THSD7A: variants seen among roughly 807,000 people sequenced by gnomAD.
The protein encoded by THSD7A is thrombospondin type-1 domain-containing protein 7A.
THSD7A carries 96 observed loss-of-function variants against 231.3 expected under a neutral mutation model. The ratio of observed to expected loss-of-function variants is 0.41; its 90% CI spans 0.35 to 0.49. The LOEUF (loss-of-function observed/expected upper bound fraction) is 0.49, where lower values mean the gene tolerates loss of function less well. THSD7A is among the 20% of genes least tolerant of loss of function. The pLI is 0.05. For synonymous variants in THSD7A, 940 were observed against 743.3 expected, an observed-to-expected ratio of 1.26 and a Z score of -4.30; for missense variants, 2,290 against 2,070.2, an observed-to-expected ratio of 1.11 and a Z score of -2.06.
In THSD7A at chr7:11,374,231, A is replaced by C. The variant is rs1782174244; in HGVS notation, c.*1563T>G. 1 of 152,154 alleles carries C rather than the reference A, an allele frequency of 6.6e-6. No homozygotes were observed. Among genetic ancestry groups the C allele is most frequent in the East Asian group, 1.9e-4 (1 of 5,200 alleles). The allele number at this position is 152,154 out of a possible 1,614,324, so 9.4% of individuals were successfully genotyped here. On this transcript the variant is annotated 3_prime_UTR_variant, in exon 28 of 28. Coordinates refer to ENST00000423059, the MANE Select transcript of THSD7A (RefSeq NM_015204.3). ...GTTATGTTCATTCTTTTATTTACTA[A>C]GATTGCATTAGCAGAATGGCAAAGT...
chr7:11,412,878 C>T, intron 17 of THSD7A, 78 bp from the exon 18 acceptor site: 1 of 1,507,052 alleles, frequency 6.6e-7, no homozygotes, highest in Non-Finnish European at 9.0e-7. Flanking sequence ...AGCACTGGAG[C>T]AGGAGTTAGA....
At chr7:11,765,212 G>C (rs1326915768) in intron 1 of THSD7A, among the ~76,000 whole-genome samples, 1 of 152,076 alleles carries the variant, frequency 6.6e-6, no homozygotes, top group East Asian at 1.9e-4. Flanking sequence ...CACTATAAAG[G>C]AGAAAAATAA....
At chr7:11,478,065 A>G (rs1368563578) in intron 7 of THSD7A, among the ~76,000 whole-genome samples, 1 of 152,190 alleles carries the variant, frequency 6.6e-6, no homozygotes, top group African/African-American at 2.4e-5. Context: ...CAGCAATAAA[A>G]AAACCAACTC....
At chr7:11,610,873 A>G (rs1008810894) in intron 2 of THSD7A, among the ~76,000 whole-genome samples, 3 of 152,162 alleles carry the variant, frequency 2.0e-5, no homozygotes, top group Non-Finnish European at 2.9e-5. Context: ...ACTTTTCACT[A>G]TGTTCCAAGA....
intron 13 of THSD7A, among the ~76,000 whole-genome samples, chr7:11,445,054 T>G (rs1784923541): frequency 6.6e-6 from 1 of 151,726 alleles, no homozygotes; most frequent in South Asian, 2.1e-4. Context: ...TATGAGATGG[T>G]TTTTATTAGC....
intron 1 of THSD7A, among the ~76,000 whole-genome samples, chr7:11,774,138 G>A (rs909448523): frequency 1.3e-5 from 2 of 152,110 alleles, no homozygotes; most frequent in Non-Finnish European, 2.9e-5. Flanking sequence ...AATATGCCAA[G>A]ACTTATTATT....
intron 2 of THSD7A, among the ~76,000 whole-genome samples, chr7:11,629,768 C>T (rs1332893215): frequency 6.6e-6 from 1 of 152,132 alleles, no homozygotes; most frequent in Non-Finnish European, 1.5e-5. Context: ...ATCTGTAGGC[C>T]ATGTTGAAAA....
intron 1 of THSD7A, among the ~76,000 whole-genome samples, chr7:11,742,372 G>A (rs959287104): frequency 2.0e-5 from 3 of 151,586 alleles, no homozygotes; most frequent in African/African-American, 7.3e-5. Flanking sequence ...CAAAAAATAC[G>A]CCCTTTGCCT....
intron 23 of THSD7A, among the ~76,000 whole-genome samples, chr7:11,396,804 A>C (rs1783204495): frequency 6.6e-6 from 1 of 152,176 alleles, no homozygotes; most frequent in African/African-American, 2.4e-5. Flanking sequence ...TCCCGATACC[A>C]AAACCTGGCA....
intron 2 of THSD7A, 107 bp from the exon 3 acceptor site, chr7:11,593,609 G>T: frequency 7.2e-7 from 1 of 1,379,546 alleles, no homozygotes; most frequent in Non-Finnish European, 9.8e-7. Context: ...TCTACTTGGA[G>T]GTGTGATTCC....
intron 1 of THSD7A, among the ~76,000 whole-genome samples, chr7:11,723,579 A>G (rs962521093): frequency 2.6e-5 from 4 of 151,866 alleles, no homozygotes; most frequent in Non-Finnish European, 5.9e-5. Flanking sequence ...CAAATTCAAA[A>G]TGTTCATATT....
chr7:11,748,449 G>C (rs998301053), intron 1 of THSD7A, among the ~76,000 whole-genome samples: 1 of 151,894 alleles, frequency 6.6e-6, no homozygotes, highest in African/African-American at 2.4e-5. Context: ...TATTAAAGCA[G>C]TCTAAAAAGT....
intron 6 of THSD7A, among the ~76,000 whole-genome samples, chr7:11,501,014 T>C (rs1321554297): frequency 7.1e-6 from 1 of 141,792 alleles, no homozygotes; most frequent in Non-Finnish European, 1.6e-5. Flanking sequence ...CCAACAAAGA[T>C]AAAAAAAAAA....
intron 1 of THSD7A, among the ~76,000 whole-genome samples, chr7:11,799,321 C>A (rs1344438607): frequency 2.0e-5 from 3 of 152,248 alleles, no homozygotes; most frequent in African/African-American, 7.2e-5. Context: ...AGTGCTTTAT[C>A]TTCCAGTGGA....
intron 1 of THSD7A, among the ~76,000 whole-genome samples, chr7:11,704,794 C>T (rs561763762): frequency 6.6e-6 from 1 of 151,136 alleles, no homozygotes; most frequent in South Asian, 2.1e-4. Flanking sequence ...AGAAACTATT[C>T]CTCTCTAGCT....
At chr7:11,440,889 G>C (rs1362815077) in intron 13 of THSD7A, among the ~76,000 whole-genome samples, 1 of 152,024 alleles carries the variant, frequency 6.6e-6, no homozygotes, top group South Asian at 2.1e-4. Flanking sequence ...CTCCAGTTTT[G>C]AAAGAAGTTC....
chr7:11,479,712 A>G (rs1786341619), intron 7 of THSD7A, among the ~76,000 whole-genome samples: 1 of 152,170 alleles, frequency 6.6e-6, no homozygotes, highest in Non-Finnish European at 1.5e-5. Flanking sequence ...TTGAAGTACA[A>G]ATTTCTCATA....
chr7:11,685,115 T>C (rs534361618), intron 1 of THSD7A, among the ~76,000 whole-genome samples: 1 of 151,570 alleles, frequency 6.6e-6, no homozygotes, highest in Admixed American at 6.6e-5. Flanking sequence ...CAAAAGTAAA[T>C]AATGGGGAAA....
intron 6 of THSD7A, among the ~76,000 whole-genome samples, chr7:11,506,595 C>T (rs1394656255): frequency 1.3e-5 from 2 of 152,194 alleles, no homozygotes; most frequent in Non-Finnish European, 2.9e-5. Flanking sequence ...TATTTCCCAA[C>T]TTCTAAAAGG....
Sources: allele counts gnomAD v4.1 joint callset (sites outside exome capture counted in the v4.1 genomes callset), GRCh38; gene constraint gnomAD v4.1.1; transcripts MANE v1.5; gene names NCBI Gene and HGNC (gene_info 2026-07-23, HGNC 2026-07-21).